PCDH17: variants seen among roughly 807,000 people sequenced by gnomAD.
The protein encoded by PCDH17 is protocadherin-17.
PCDH17 carries 21 observed loss-of-function variants against 67.7 expected under a neutral mutation model. That is an observed-to-expected ratio of 0.31 (90% CI 0.22 to 0.45). The LOEUF is 0.45. Among genes scored for constraint, PCDH17 ranks in the 20% least tolerant of loss-of-function variants. The probability of loss-of-function intolerance (pLI) is 1.00; values close to 1 mark genes in which losing one functional copy is unlikely to be tolerated. For missense variants in PCDH17, 1,471 were observed against 1,564.8 expected (o/e 0.94, Z 1.01); for synonymous variants, 701 against 656.7 (o/e 1.07, Z -1.03).
intron 3 of PCDH17, among the ~76,000 whole-genome samples, chr13:57,679,555 T>C (rs1334344281): frequency 6.6e-6 from 1 of 151,514 alleles, no homozygotes; most frequent in Non-Finnish European, 1.5e-5. Context: ...TGACACTGGG[T>C]TTATTTTTGA....
At chr13:57,656,025 T>C (rs1955098611) in intron 1 of PCDH17, among the ~76,000 whole-genome samples, 1 of 152,098 alleles carries the variant, frequency 6.6e-6, no homozygotes, top group Admixed American at 6.5e-5. Flanking sequence ...TATAATAAAT[T>C]GGGTATATGA....
At chr13:57,648,854 A>C (rs1310904744) in intron 1 of PCDH17, among the ~76,000 whole-genome samples, 2 of 151,932 alleles carry the variant, frequency 1.3e-5, no homozygotes, top group Non-Finnish European at 2.9e-5. Context: ...AATGTTGGGC[A>C]CTCCCAATTC....
At chr13:57,717,673 A>G (rs562480177) in intron 3 of PCDH17, among the ~76,000 whole-genome samples, 2 of 152,160 alleles carry the variant, frequency 1.3e-5, no homozygotes, top group South Asian at 2.1e-4. Flanking sequence ...TGCATGCTAG[A>G]GGATTGGTAC....
At chr13:57,679,755 C>G (rs1955430874) in intron 3 of PCDH17, among the ~76,000 whole-genome samples, 1 of 151,330 alleles carries the variant, frequency 6.6e-6, no homozygotes, top group Non-Finnish European at 1.5e-5. Context: ...CCCTTACAAG[C>G]TAAGAGTATT....
intron 1 of PCDH17, among the ~76,000 whole-genome samples, chr13:57,651,439 G>T (rs1006396155): frequency 7.3e-6 from 1 of 136,228 alleles, no homozygotes; most frequent in Non-Finnish European, 1.5e-5. Flanking sequence ...TCGGCTCATT[G>T]CAATCCTTTC....
intron 3 of PCDH17, among the ~76,000 whole-genome samples, chr13:57,684,796 G>T (rs1019826875): frequency 2.0e-5 from 3 of 151,874 alleles, no homozygotes; most frequent in Non-Finnish European, 2.9e-5. Flanking sequence ...ATATAAATTT[G>T]TACATGCATT....
intron 3 of PCDH17, among the ~76,000 whole-genome samples, chr13:57,678,945 C>T (rs1566232717): frequency 1.3e-5 from 2 of 151,362 alleles, no homozygotes; most frequent in Admixed American, 6.6e-5. Flanking sequence ...TAGAAAGGGG[C>T]TATAGTTCAT....
rs147946366 is a variant in PCDH17 at position 57,682,827 on chromosome 13, C to T, written c.2797+15994C>T. The stretch of plus-strand genomic sequence containing the variant: ...GGGTAAATGTTAAAGGATCTTGATC[C>T]GGTAAATGACATGATATCAAACTAT... On this transcript the variant is annotated intron_variant, in intron 3 of 3. Coordinates refer to ENST00000377918, the MANE Select transcript of PCDH17 (RefSeq NM_001040429.3). Among the ~76,000 whole-genome samples the T allele has an allele frequency of 2.5e-3, 378 of 151,758 alleles. 2 individuals carry two copies. The highest frequency in any genetic ancestry group is 0.011 in the Admixed American group (161 of 15,164).
chr13:57,688,877 A>T (rs1366654472), intron 3 of PCDH17, among the ~76,000 whole-genome samples: 1 of 152,054 alleles, frequency 6.6e-6, no homozygotes, highest in African/African-American at 2.4e-5. Flanking sequence ...AATGCAGTGT[A>T]TATACAAACA....
intron 3 of PCDH17, among the ~76,000 whole-genome samples, chr13:57,704,049 T>C (rs1458591654): frequency 1.3e-5 from 2 of 152,094 alleles, no homozygotes; most frequent in Non-Finnish European, 2.9e-5. Flanking sequence ...GAAAAAAATT[T>C]AAGATAAGAT....
chr13:57,643,233 T>C (rs1954924894), intron 1 of PCDH17, among the ~76,000 whole-genome samples: 1 of 151,618 alleles, frequency 6.6e-6, no homozygotes, highest in Non-Finnish European at 1.5e-5. Flanking sequence ...GATGTTCTTA[T>C]TTTATCAGTA....
chr13:57,644,559 A>G (rs185389854), intron 1 of PCDH17, among the ~76,000 whole-genome samples: 1 of 151,676 alleles, frequency 6.6e-6, no homozygotes, highest in East Asian at 1.9e-4. Flanking sequence ...TATGAGTCTC[A>G]GCAGTCTTAG....
At position 57,634,438 on chromosome 13, in the gene PCDH17, A is replaced by G. The variant is rs1954787364; in HGVS notation, c.1892A>G (p.Asn631Ser). 1 of 1,612,706 alleles carries G rather than the reference A, an allele frequency of 6.2e-7. No homozygotes were observed. Among genetic ancestry groups the G allele is most frequent in the African/African-American group, 1.3e-5 (1 of 74,884 alleles). ...GRLTYEIVDG[N>S]DDHLFEIDPS... Reference sequence around the variant, plus strand: ...CTCACCTACGAGATCGTGGACGGCAACGACGACCACCTGTTTGAGATCGAC... The same window carrying G: ...CTCACCTACGAGATCGTGGACGGCAGCGACGACCACCTGTTTGAGATCGAC... The change falls in exon 1 of 4, where the codon AAC becomes AGC. Residue 631 changes from asparagine to serine, a missense_variant. Asn to Ser is a conservative substitution (Grantham distance 46, BLOSUM62 1). Around this residue, in one of 3 missense-constraint regions of PCDH17, gnomAD observed 1,163 missense variants for 1,230.0 expected, o/e 0.95. Transcript: ENST00000377918. This position sits in a 1 kb window ranked among gnomAD's most constrained non-coding sequence, Gnocchi z 7.8.
intron 1 of PCDH17, among the ~76,000 whole-genome samples, chr13:57,644,602 G>A (rs1954943634): frequency 6.6e-6 from 1 of 151,192 alleles, no homozygotes; most frequent in African/African-American, 2.4e-5. Flanking sequence ...ACCCCCCTTG[G>A]GCAGATGTGT....
At chr13:57,698,166 G>T (rs916211801) in intron 3 of PCDH17, among the ~76,000 whole-genome samples, 3 of 150,886 alleles carry the variant, frequency 2.0e-5, no homozygotes, top group Admixed American at 6.6e-5. Flanking sequence ...GTTCTGAATT[G>T]ATTAAATTGA....
At chr13:57,667,776 T>C (rs938949663) in intron 3 of PCDH17, among the ~76,000 whole-genome samples, 5 of 150,730 alleles carry the variant, frequency 3.3e-5, no homozygotes, top group Admixed American at 2.7e-4. Context: ...CTATTATATA[T>C]ATACCTCAAC....
At chr13:57,693,781 T>C (rs1955582080) in intron 3 of PCDH17, among the ~76,000 whole-genome samples, 1 of 151,030 alleles carries the variant, frequency 6.6e-6, no homozygotes, top group South Asian at 2.1e-4. Context: ...TATAATCTCT[T>C]CTTTTCTTTA....
At chr13:57,656,709 C>CA (rs1365612697) in intron 1 of PCDH17, among the ~76,000 whole-genome samples, 3 of 151,908 alleles carry the variant, frequency 2.0e-5, no homozygotes, top group South Asian at 4.1e-4. Context: ...TGAGAGATAG[C>CA]AAAAAACAGA....
chr13:57,633,179 C>G lies in PCDH17; in HGVS notation c.633C>G (p.Leu211=), dbSNP rs749143274. 4 of 1,613,264 alleles carry G rather than the reference C, an allele frequency of 2.5e-6. No individual in the cohort carries two copies. In the South Asian group the frequency reaches 3.3e-5, roughly 13 times the overall value. The change falls in exon 1 of 4, where the codon CTC becomes CTG. Residue 211 remains leucine (L), a synonymous_variant. Transcript: ENST00000377918. This position sits in a 1 kb window ranked among gnomAD's most constrained non-coding sequence, Gnocchi z 6.2. ...LDREQQNHHT[L]VLTALDGGEP... is the part of the protein sequence containing the mutation. Reference sequence around the variant, plus strand: ...GCGAGCAACAGAATCACCATACGCTCGTGCTGACTGCCCTGGACGGTGGCG... The same window carrying G: ...GCGAGCAACAGAATCACCATACGCTGGTGCTGACTGCCCTGGACGGTGGCG...
Sources: gnomAD v4.1 joint callset for allele counts (sites outside exome capture counted in the v4.1 genomes callset) on GRCh38, gnomAD v4.1.1 for gene constraint, gnomAD v4.1.1 regional missense constraint, Gnocchi (gnomAD v3.1) non-coding constraint, MANE v1.5 for transcripts, NCBI Gene and HGNC (gene_info 2026-07-23, HGNC 2026-07-21) for gene names.